Variants in RTN4 observed in about 807,000 individuals in gnomAD.
RTN4 encodes the protein reticulon 4.
RTN4 carries 32 observed loss-of-function variants against 90.4 expected under a neutral mutation model. The ratio of observed to expected loss-of-function variants is 0.35; its 90% CI spans 0.27 to 0.48. The LOEUF (loss-of-function observed/expected upper bound fraction) is 0.48, where lower values mean the gene tolerates loss of function less well. Ranked by LOEUF, RTN4 falls within the 20% of genes least tolerant of loss-of-function variation. The pLI is 0.99. For missense variants in RTN4, 1,706 were observed against 1,430.2 expected (o/e 1.19, Z -3.11); for synonymous variants, 629 against 552.5 (o/e 1.14, Z -1.94).
At chr2:55,055,257 AC>A (rs1364084339), upstream of RTN4, among the ~76,000 whole-genome samples, 3 of 151,728 alleles carry the variant, frequency 2.0e-5, no homozygotes, top group East Asian at 5.8e-4. Flanking sequence ...CAAGCAGAAG[AC>A]ATCCTATGCT....
In RTN4 at chr2:55,026,840, A is replaced by G; in HGVS notation, c.1259T>C (p.Val420Ala). The G allele has an allele frequency of 6.2e-7, 1 of 1,613,818 alleles. No individual in the cohort carries two copies. The highest frequency in any genetic ancestry group is 8.5e-7 in the Non-Finnish European group (1 of 1,179,840). The change falls in exon 3 of 9, where the codon GTG (valine) becomes GCG (alanine). Residue 420 changes from valine (V) to alanine (A), a missense_variant. Physicochemically the swap from Val to Ala is moderately conservative, Grantham distance 64. Transcript: ENST00000337526. ...GKIESNLESK[V>A]DKKCFADSLE... Reference sequence around the variant, plus strand: ...GCTATCTGCAAAACATTTTTTATCCACTTTACTTTCCAAGTTGCTCTCGAT... The same window carrying G: ...GCTATCTGCAAAACATTTTTTATCCGCTTTACTTTCCAAGTTGCTCTCGAT...
At chr2:55,121,217 C>T in the RTN4 span, among the ~76,000 whole-genome samples, 4 of 152,300 alleles carry the variant, frequency 2.6e-5, no homozygotes, top group South Asian at 2.1e-4. Context: ...CAGTCAGTCC[C>T]GATCCCTGCT....
intron 1 of RTN4, chr2:55,049,121 G>T: frequency 1.0e-6 from 1 of 985,870 alleles, no homozygotes; most frequent in Non-Finnish European, 1.2e-6. Flanking sequence ...CACACCACTG[G>T]AGGCGCTCTC....
At chr2:55,128,135 C>T in the RTN4 span, among the ~76,000 whole-genome samples, 1 of 152,104 alleles carries the variant, frequency 6.6e-6, no homozygotes, top group Non-Finnish European at 1.5e-5. Flanking sequence ...CATGAGCCAC[C>T]GCACTGGGAC....
rs575673622 is a variant in RTN4 at position 55,061,418 on chromosome 2, A to G, written c.-63+19071T>C. 2.0e-5 allele frequency among the ~76,000 whole-genome samples: 3 copies of G among 152,226 alleles called. No homozygotes were observed. The South Asian group carries it at 6.2e-4, about 32-fold the overall frequency. On this transcript the variant is annotated intron_variant, in intron 2 of 3. Transcript: ENST00000427710. The stretch of plus-strand genomic sequence containing the variant: ...AGTAGTAATAATTCCTTAATAGCAT[A>G]TTATATTTGAATACCCATGCATATT...
rs1399699506 is a variant in RTN4 at position 55,050,228 on chromosome 2, A to T, written c.73T>A (p.Tyr25Asn). 6.4e-7 allele frequency: 1 copy of T among 1,555,842 alleles called. No homozygotes were observed. The highest frequency in any genetic ancestry group is 8.7e-7 in the Non-Finnish European group (1 of 1,153,192). ...SPPRPQPAFK[Y>N]QFVREPEDEE... is the part of the protein sequence containing the mutation. ...TCCTCGGGCTCCCTCACGAACTGGT[A>T]CTTGAACGCGGGCTGCGGCCGGGGT... is the stretch of plus-strand genomic sequence containing the variant. The change falls in exon 1 of 9, where the codon TAC (tyrosine) becomes AAC (asparagine). Residue 25 changes from tyrosine to asparagine, a missense_variant. Physicochemically the swap from Tyr to Asn is moderately radical, Grantham distance 143. Transcript: ENST00000337526. This position sits in a 1 kb window ranked among gnomAD's most constrained non-coding sequence, Gnocchi z 4.6.
intron 1 of RTN4, among the ~76,000 whole-genome samples, chr2:55,088,232 G>A (rs1177759267): frequency 6.6e-6 from 1 of 152,182 alleles, no homozygotes; most frequent in Non-Finnish European, 1.5e-5. Flanking sequence ...AGCCCTCAGA[G>A]GAAACTCAGT....
chr2:55,019,376 A>G (rs1681269232), intron 3 of RTN4, among the ~76,000 whole-genome samples: 1 of 152,206 alleles, frequency 6.6e-6, no homozygotes, highest in Non-Finnish European at 1.5e-5. Context: ...GGATATCTGC[A>G]TGTGTTCAAG....
chr2:55,100,022 A>G (rs1224098321), intron 1 of RTN4, among the ~76,000 whole-genome samples: 1 of 152,130 alleles, frequency 6.6e-6, no homozygotes, highest in Non-Finnish European at 1.5e-5. Flanking sequence ...TTAGAGAACT[A>G]GTCTAAGTTA....
At chr2:54,973,774 T>C in intron 7 of RTN4, 47 bp downstream of exon 7, 4 of 1,575,020 alleles carry the variant, frequency 2.5e-6, no homozygotes, top group Non-Finnish European at 2.6e-6. Flanking sequence ...TCCCATGTAA[T>C]AGAGTGAGTG....
At chr2:55,063,255 G>A (rs1481320113) in intron 2 of RTN4, among the ~76,000 whole-genome samples, 1 of 152,210 alleles carries the variant, frequency 6.6e-6, no homozygotes, top group East Asian at 1.9e-4. Context: ...AAGATAGTGG[G>A]CTTCTTAGGT....
chr2:55,095,997 C>T (rs1313540143), intron 1 of RTN4, among the ~76,000 whole-genome samples: 1 of 152,272 alleles, frequency 6.6e-6, no homozygotes, highest in East Asian at 1.9e-4. Context: ...GGGAGAGAGA[C>T]TACAGAGGTA....
intron 3 of RTN4, among the ~76,000 whole-genome samples, chr2:54,993,075 G>GAAAA (rs61127530): frequency 1.5e-5 from 1 of 64,660 alleles, no homozygotes; most frequent in Non-Finnish European, 3.6e-5. Flanking sequence ...CTCCATCTCG[G>GAAAA]AAAAAAAAAA....
chr2:54,985,242 C>T (rs1374406362), intron 4 of RTN4, among the ~76,000 whole-genome samples: 1 of 134,358 alleles, frequency 7.4e-6, no homozygotes, highest in African/African-American at 2.8e-5. Context: ...TCACTGCAGC[C>T]TTGAACTCCT....
At chr2:55,009,984 G>C in intron 3 of RTN4, 1 of 1,330,974 alleles carries the variant, frequency 7.5e-7, no homozygotes, top group Non-Finnish European at 1.1e-6. Flanking sequence ...CTCTTCAGAG[G>C]TTTCACTTTC....
In RTN4 at chr2:54,973,603, G is replaced by A. The variant is rs1272802701; in HGVS notation, c.3496C>T (p.Leu1166=). ...ERHQAQIDHY[L]GLANKNVKDA... ...TTAACATTCTTATTTGCAAGTCCTAGATAATGATCTATCTGTGCCTGAAAG... is the reference window on the plus strand; with the variant it reads ...TTAACATTCTTATTTGCAAGTCCTAAATAATGATCTATCTGTGCCTGAAAG... The change falls in exon 8 of 9, where the codon CTA becomes TTA. Residue 1166 remains leucine (L), a synonymous_variant. Coordinates refer to ENST00000337526, the MANE Select transcript of RTN4 (RefSeq NM_020532.5). The A allele has an allele frequency of 3.1e-6, 5 of 1,610,466 alleles. No individual in the cohort carries two copies. The highest frequency in any genetic ancestry group is 2.2e-5 in the South Asian group (2 of 90,994).
In RTN4 at chr2:55,027,269, G is replaced by A; in HGVS notation, c.830C>T (p.Ser277Leu). 6.2e-7 allele frequency: 1 copy of A among 1,613,682 alleles called. No individual in the cohort carries two copies. The highest frequency in any genetic ancestry group is 8.5e-7 in the Non-Finnish European group (1 of 1,179,792). Residue 277 changes from serine to leucine, a missense_variant, in exon 3 of 9, where the codon TCA (serine) becomes TTA (leucine). Transcript: ENST00000337526. ...ENVSEASKEV[S>L]EKAKTLLIDR... ...TATGAGTAGAGTTTTTGCCTTCTCT[G>A]AGACCTCTTTAGAAGCTTCACTGAC...
In RTN4 at chr2:55,067,685, G is replaced by T. The variant is rs531337543; in HGVS notation, c.-63+12804C>A. 3.9e-5 allele frequency among the ~76,000 whole-genome samples: 6 copies of T among 152,258 alleles called. No individual in the cohort carries two copies. The South Asian group carries it at 1.2e-3, about 32-fold the overall frequency. On this transcript the variant is annotated intron_variant, in intron 2 of 3. Transcript: ENST00000427710. ...CTGTCTTGGCCTCCCAAAGTGCTGG[G>T]ATTACAGGCGTGAGCCCCACACCTG...
chr2:55,031,545 G>A (rs911244280), intron 1 of RTN4, among the ~76,000 whole-genome samples: 2 of 152,342 alleles, frequency 1.3e-5, no homozygotes, highest in East Asian at 3.9e-4. Context: ...CTATGGTAGA[G>A]CTGCAAATTA....
Sources: gnomAD v4.1 joint callset for allele counts (sites outside exome capture counted in the v4.1 genomes callset) on GRCh38, gnomAD v4.1.1 for gene constraint, Gnocchi (gnomAD v3.1) non-coding constraint, MANE v1.5 for transcripts, NCBI Gene and HGNC (gene_info 2026-07-23, HGNC 2026-07-21) for gene names.